DPP6: variants seen among roughly 807,000 people sequenced by gnomAD.
DPP6 encodes the protein A-type potassium channel modulatory protein DPP6.
Under a neutral mutation model 122.6 loss-of-function variants are expected in DPP6, and 69 were observed. The observed-to-expected ratio is 0.56, with a 90% CI of 0.46 to 0.69. DPP6 has a LOEUF of 0.69. Ranked by LOEUF, DPP6 falls within the 30% of genes least tolerant of loss-of-function variation. The pLI is 0.00. For synonymous variants in DPP6, 418 were observed against 433.1 expected, an observed-to-expected ratio of 0.97 and a Z score of 0.43; for missense variants, 928 against 1,116.9, an observed-to-expected ratio of 0.83 and a Z score of 2.41.
chr7:154,070,259 CAGAA>C (rs1487273644), intron 1 of DPP6, among the ~76,000 whole-genome samples: 1 of 150,062 alleles, frequency 6.7e-6, no homozygotes, highest in Non-Finnish European at 1.5e-5. Flanking sequence ...GTGTGAGTGG[CAGAA>C]AGAGCTTCTT....
At chr7:154,257,861 AC>A (rs1246075760) in intron 1 of DPP6, among the ~76,000 whole-genome samples, 1 of 152,228 alleles carries the variant, frequency 6.6e-6, no homozygotes, top group Non-Finnish European at 1.5e-5. Flanking sequence ...AGTAAATGGC[AC>A]GGCCACATGA....
chr7:154,361,256 C>G (rs1199579501), intron 1 of DPP6, among the ~76,000 whole-genome samples: 2 of 151,854 alleles, frequency 1.3e-5, no homozygotes, highest in Non-Finnish European at 2.9e-5. Flanking sequence ...GTGACAATAA[C>G]AAGCAGAAGC....
intron 1 of DPP6, among the ~76,000 whole-genome samples, chr7:154,211,969 A>C (rs112926981): frequency 0.032 from 2,880 of 89,474 alleles, 77 homozygotes; most frequent in African/African-American, 0.077. Context: ...TGGGCTTGTC[A>C]CAGCGCCCTG....
rs548174021 is a variant in DPP6 at position 154,764,528 on chromosome 7, C to T, written c.884-4889C>T. Among the ~76,000 whole-genome samples the T allele has an allele frequency of 5.3e-5, 8 of 152,250 alleles. 1 individual carries two copies. Among genetic ancestry groups the T allele is most frequent in the Admixed American group, 1.3e-4 (2 of 15,296 alleles). On this transcript the variant is annotated intron_variant, in intron 8 of 25. Transcript: ENST00000377770. ...GGGAAAGGTCTTTATCCTGGGAGGC[C>T]GTGTGCCCACCTACAAGCCATTGGT... is the stretch of plus-strand genomic sequence containing the variant.
At chr7:154,690,267 T>A (rs150936460) in intron 7 of DPP6, among the ~76,000 whole-genome samples, 1 of 151,824 alleles carries the variant, frequency 6.6e-6, no homozygotes, top group Non-Finnish European at 1.5e-5. Context: ...CCATCCAGAG[T>A]TTTTACAGAA....
intron 10 of DPP6, chr7:154,793,771 A>G: frequency 4.1e-6 from 1 of 244,098 alleles, no homozygotes; most frequent in South Asian, 8.9e-5. Context: ...AGCTGGAGAG[A>G]CGAGACCTCA....
At chr7:153,820,613 G>A in the DPP6 span, among the ~76,000 whole-genome samples, 1 of 152,038 alleles carries the variant, frequency 6.6e-6, no homozygotes, top group Non-Finnish European at 1.5e-5. Flanking sequence ...ACATACTTCT[G>A]CCATATTCCA....
intron 3 of DPP6, among the ~76,000 whole-genome samples, chr7:154,524,378 G>C (rs530311677): frequency 1.1e-4 from 16 of 152,306 alleles, no homozygotes; most frequent in Admixed American, 9.1e-4. Context: ...ATGCCACAGA[G>C]TGCTGTGTAA....
chr7:154,061,856 G>A (rs1284743792), intron 1 of DPP6, among the ~76,000 whole-genome samples: 1 of 133,300 alleles, frequency 7.5e-6, no homozygotes, highest in African/African-American at 2.8e-5. Flanking sequence ...CCCATCGCTG[G>A]GGGCGGAGGC....
rs746646254 is a variant in DPP6 at position 154,446,257 on chromosome 7, T to C, written c.287T>C (p.Ile96Thr). 4.3e-6 allele frequency: 7 copies of C among 1,610,940 alleles called. No homozygotes were observed. The highest frequency in any genetic ancestry group is 5.9e-6 in the Non-Finnish European group (7 of 1,178,346). Residue 96 changes from isoleucine to threonine, a missense_variant, in exon 2 of 26, where the codon ATA (isoleucine) becomes ACA (threonine). Transcript: ENST00000377770. ...SNPPQRNWKG[I>T]AIALLVILVI... ...CCTCCGCAGAGGAATTGGAAAGGAA[T>C]AGCAATTGCACTGCTTGTCATTCTG...
Position 154,398,816 on chromosome 7 carries a change from T to C in DPP6, c.244-47398T>C, listed in dbSNP as rs80287567. On this transcript the variant is annotated intron_variant, in intron 1 of 25. Coordinates refer to ENST00000377770, the MANE Select transcript of DPP6 (RefSeq NM_130797.4). ...TGTTCATTTATCACTTCTATCTATC[T>C]CAGACGTTCTTTTCTTAAAAGAAGC... Among the ~76,000 whole-genome samples, 5 of 152,306 alleles carry C rather than the reference T, an allele frequency of 3.3e-5. No individual in the cohort carries two copies. In the East Asian group the frequency reaches 9.7e-4, roughly 29 times the overall value.
chr7:154,414,771 G>A (rs996883659), intron 1 of DPP6, among the ~76,000 whole-genome samples: 4 of 152,190 alleles, frequency 2.6e-5, no homozygotes, highest in African/African-American at 7.2e-5. Flanking sequence ...TCCCCCTTGT[G>A]TGGCTGTCAA....
the DPP6 span, among the ~76,000 whole-genome samples, chr7:153,824,700 T>TAAA: frequency 7.0e-6 from 1 of 142,662 alleles, no homozygotes; most frequent in African/African-American, 2.6e-5. Context: ...AACATAAAAA[T>TAAA]AAAAAAAAAA....
chr7:154,649,678 T>A, intron 6 of DPP6, among the ~76,000 whole-genome samples: 1 of 152,234 alleles, frequency 6.6e-6, no homozygotes, highest in Non-Finnish European at 1.5e-5. Context: ...CCTGCCTTTC[T>A]CTACCTGGCA....
In DPP6 at chr7:154,113,673, A is replaced by G. The variant is rs1585404659; in HGVS notation, c.243+60610A>G. Among the ~76,000 whole-genome samples, 4 of 152,262 alleles carry G rather than the reference A, an allele frequency of 2.6e-5. No individual in the cohort carries two copies. In the South Asian group the frequency reaches 8.3e-4, roughly 32 times the overall value. On this transcript the variant is annotated intron_variant, in intron 1 of 25. Transcript: ENST00000377770. ...AGAAGTCATTGCCTGGGCCAATGTC[A>G]TGAAGCATTTCCCCCATGCCTTCTT... is the stretch of plus-strand genomic sequence containing the variant.
Position 154,520,039 on chromosome 7 carries a change from C to G in DPP6, c.458-20493C>G, listed in dbSNP as rs530630276. On this transcript the variant is annotated intron_variant, in intron 3 of 25. Transcript: ENST00000377770. The stretch of plus-strand genomic sequence containing the variant: ...AATGAAAGACTGCAAGGTAAAGTAA[C>G]TGCTCTCAAAAAACGCTGCAATGGG... Among the ~76,000 whole-genome samples, 83 of 152,270 alleles carry G rather than the reference C, an allele frequency of 5.5e-4. 1 individual carries two copies. The highest frequency in any genetic ancestry group is 1.9e-3 in the African/African-American group (81 of 41,566).
At chr7:154,080,210 T>G (rs544961818) in intron 1 of DPP6, among the ~76,000 whole-genome samples, 1 of 152,272 alleles carries the variant, frequency 6.6e-6, no homozygotes, top group South Asian at 2.1e-4. Context: ...CTACCTCATT[T>G]ACTGCCAGTG....
At chr7:154,681,775 G>A (rs939114595) in intron 7 of DPP6, among the ~76,000 whole-genome samples, 1 of 152,224 alleles carries the variant, frequency 6.6e-6, no homozygotes, top group African/African-American at 2.4e-5. Context: ...GGTCTTTGTA[G>A]AATAACTGCG....
chr7:154,185,232 C>T (rs1798296827), intron 1 of DPP6, among the ~76,000 whole-genome samples: 1 of 152,164 alleles, frequency 6.6e-6, no homozygotes, highest in African/African-American at 2.4e-5. Context: ...AAGATCAGCA[C>T]CAAGCTAGCC....
Sources: gnomAD v4.1 joint callset for allele counts (sites outside exome capture counted in the v4.1 genomes callset) on GRCh38, gnomAD v4.1.1 for gene constraint, MANE v1.5 for transcripts, NCBI Gene and HGNC (gene_info 2026-07-23, HGNC 2026-07-21) for gene names.